The following ATXN1 variants were observed in gnomAD, a reference collection of about 807,000 sequenced individuals.
ATXN1 encodes ataxin-1.
Under a neutral mutation model 56.4 loss-of-function variants are expected in ATXN1, and 8 were observed. That is an observed-to-expected ratio of 0.14 (90% CI 0.08 to 0.26). The LOEUF (loss-of-function observed/expected upper bound fraction) is 0.26, where lower values mean the gene tolerates loss of function less well. ATXN1 is among the 10% of genes least tolerant of loss of function. ATXN1 has a pLI of 1.00. For synonymous variants in ATXN1, 514 were observed against 494.6 expected (o/e 1.04, Z -0.52); for missense variants, 987 against 1,106.5 (o/e 0.89, Z 1.53).
At chr6:16,479,860 A>G (rs1394949308) in intron 6 of ATXN1, among the ~76,000 whole-genome samples, 1 of 152,168 alleles carries the variant, frequency 6.6e-6, no homozygotes, top group Non-Finnish European at 1.5e-5. Flanking sequence ...ACATATAAAG[A>G]TCCAAAATGT....
chr6:16,571,888 C>T (rs995074215), intron 4 of ATXN1, among the ~76,000 whole-genome samples: 4 of 152,120 alleles, frequency 2.6e-5, no homozygotes, highest in African/African-American at 7.2e-5. Context: ...GTCTCAAACT[C>T]GTGGCTTCAA....
intron 3 of ATXN1, among the ~76,000 whole-genome samples, chr6:16,634,067 T>G (rs2113813141): frequency 6.6e-6 from 1 of 152,328 alleles, no homozygotes; most frequent in South Asian, 2.1e-4. Flanking sequence ...AGATGTCTGG[T>G]TTCTTGATGT....
At chr6:16,579,417 C>T (rs1355538878) in intron 4 of ATXN1, among the ~76,000 whole-genome samples, 1 of 137,236 alleles carries the variant, frequency 7.3e-6, no homozygotes. Flanking sequence ...CCTCTGAGAG[C>T]AAACCACTCA....
Position 16,301,068 on chromosome 6 carries a change from C to T in ATXN1, c.*5261G>A, listed in dbSNP as rs1760080014. On this transcript the variant is annotated 3_prime_UTR_variant, in exon 8 of 8. Transcript: ENST00000436367. Reference sequence around the variant, plus strand: ...TTTCTATATACAAAAAAACATGTAACTTTCAACCCTTCTCTGCTTTTTTTT... The same window carrying T: ...TTTCTATATACAAAAAAACATGTAATTTTCAACCCTTCTCTGCTTTTTTTT... The T allele has an allele frequency of 1.4e-5, 2 of 145,944 alleles. No individual in the cohort carries two copies. The allele number at this position is 145,944 out of a possible 1,614,324, so 9.0% of individuals were successfully genotyped here.
intron 6 of ATXN1, among the ~76,000 whole-genome samples, chr6:16,358,092 T>A (rs1761727922): frequency 6.6e-6 from 1 of 151,832 alleles, no homozygotes; most frequent in Admixed American, 6.6e-5. Context: ...CTACCATAAT[T>A]TTGGTTAGAG....
chr6:16,506,687 A>G lies in ATXN1; in HGVS notation c.-299+15940T>C, dbSNP rs1470033573. 6.6e-6 allele frequency among the ~76,000 whole-genome samples: 1 copy of G among 152,226 alleles called. No homozygotes were observed. The highest frequency in any genetic ancestry group is 2.4e-5 in the African/African-American group (1 of 41,474). The stretch of plus-strand genomic sequence containing the variant: ...TCAAAGATGTGAAATGAACATTATC[A>G]TTATTTGTTTCAGTGGAGGCTCACT... On this transcript the variant is annotated intron_variant, in intron 5 of 7. Transcript: ENST00000436367. This position sits in a 1 kb window ranked among gnomAD's most constrained non-coding sequence, Gnocchi z 4.1.
rs527286783 is a variant in ATXN1, at chr6:16,593,899, AAT to A, written c.-488-7994_-488-7993del. The stretch of plus-strand genomic sequence containing the variant: ...TATATATAAAGGTTCTCAATAGACT[AAT>A]ATATATATATATTAGTCTGGAGAGA... On this transcript the variant is annotated intron_variant, in intron 3 of 7. Coordinates refer to ENST00000436367, the MANE Select transcript of ATXN1 (RefSeq NM_001128164.2). Among the ~76,000 whole-genome samples the A allele has an allele frequency of 1.0e-3, 150 of 144,666 alleles. 1 individual carries two copies. Among genetic ancestry groups the A allele is most frequent in the African/African-American group, 1.3e-3 (52 of 38,554 alleles). The allele number at this position is 144,666 out of a possible 152,430, so 94.9% of individuals were successfully genotyped here.
At chr6:16,490,860 A>C (rs1760645201) in intron 5 of ATXN1, among the ~76,000 whole-genome samples, 1 of 151,902 alleles carries the variant, frequency 6.6e-6, no homozygotes, top group Non-Finnish European at 1.5e-5. Context: ...AGCCAATCAA[A>C]GGCCTCTCTC....
intron 6 of ATXN1, among the ~76,000 whole-genome samples, chr6:16,452,405 TA>T (rs1481229854): frequency 6.6e-6 from 1 of 152,226 alleles, no homozygotes; most frequent in Non-Finnish European, 1.5e-5. Context: ...AGCATAAGAT[TA>T]AATTCAGCTG....
chr6:16,693,577 A>G (rs930362220), intron 2 of ATXN1, among the ~76,000 whole-genome samples: 95 of 152,288 alleles, frequency 6.2e-4, no homozygotes, highest in African/African-American at 2.1e-3. Context: ...ACTGCTAATC[A>G]TAACAGAACA....
At chr6:16,325,115 T>A (rs960683427) in intron 7 of ATXN1, among the ~76,000 whole-genome samples, 1 of 124,194 alleles carries the variant, frequency 8.1e-6, no homozygotes, top group Non-Finnish European at 1.7e-5. Flanking sequence ...CTGCCTTCCA[T>A]CTGTTTTTTT....
At chr6:16,759,482 C>G (rs1336229353) in intron 1 of ATXN1, among the ~76,000 whole-genome samples, 1 of 136,028 alleles carries the variant, frequency 7.4e-6, no homozygotes, top group Non-Finnish European at 1.5e-5. Context: ...AATAGCTTGC[C>G]TTTCTTGTTA....
intron 3 of ATXN1, among the ~76,000 whole-genome samples, chr6:16,635,237 G>C (rs1031553463): frequency 2.0e-5 from 3 of 152,130 alleles, no homozygotes; most frequent in Non-Finnish European, 4.4e-5. Flanking sequence ...ATCACCCCTA[G>C]ATGGGACCGT....
chr6:16,468,208 C>T (rs182327762), intron 6 of ATXN1, among the ~76,000 whole-genome samples: 334 of 152,172 alleles, frequency 2.2e-3, no homozygotes, highest in African/African-American at 7.8e-3. Context: ...TATTTTGAGA[C>T]GGAGTCTCAC....
intron 4 of ATXN1, among the ~76,000 whole-genome samples, chr6:16,550,981 T>C (rs927077595): frequency 6.6e-6 from 1 of 152,216 alleles, no homozygotes; most frequent in African/African-American, 2.4e-5. Flanking sequence ...AATAAACTAA[T>C]GAGTTGACAG....
intron 4 of ATXN1, among the ~76,000 whole-genome samples, chr6:16,561,733 T>C (rs1255223419): frequency 6.6e-6 from 1 of 152,104 alleles, no homozygotes; most frequent in South Asian, 2.1e-4. Flanking sequence ...GAAAAGAATA[T>C]ATAGAAATGC....
intron 6 of ATXN1, among the ~76,000 whole-genome samples, chr6:16,335,872 G>A (rs1043144040): frequency 6.6e-6 from 1 of 152,232 alleles, no homozygotes; most frequent in Non-Finnish European, 1.5e-5. Flanking sequence ...GCTACTAGAA[G>A]CAGCAAGAAG....
At chr6:16,647,099 G>A (rs1392933015) in intron 3 of ATXN1, among the ~76,000 whole-genome samples, 4 of 152,118 alleles carry the variant, frequency 2.6e-5, no homozygotes, top group Admixed American at 6.5e-5. Flanking sequence ...CCACCTCCCA[G>A]GTTCAAGCAA....
intron 2 of ATXN1, among the ~76,000 whole-genome samples, chr6:16,692,715 T>C (rs575694119): frequency 6.6e-6 from 1 of 152,340 alleles, no homozygotes; most frequent in Admixed American, 6.5e-5. Flanking sequence ...AGCAGTGTGC[T>C]GGGCACTTTA....
Sources: allele counts gnomAD v4.1 joint callset (sites outside exome capture counted in the v4.1 genomes callset), GRCh38; gene constraint gnomAD v4.1.1; non-coding constraint Gnocchi (gnomAD v3.1); transcripts MANE v1.5; gene names NCBI Gene and HGNC (gene_info 2026-07-23, HGNC 2026-07-21).